Variants in CDH4 observed in about 807,000 individuals in gnomAD.
CDH4 encodes cadherin-4.
In CDH4, 33 loss-of-function variants were observed where a neutral mutation model predicts 86.0. The observed-to-expected ratio is 0.38, with a 90% CI of 0.29 to 0.51. CDH4 has a LOEUF of 0.51. CDH4 is among the 20% of genes least tolerant of loss of function. CDH4 has a pLI of 0.86. For missense variants in CDH4, 1,114 were observed against 1,307.4 expected (o/e 0.85, Z 2.28); for synonymous variants, 555 against 549.4 (o/e 1.01, Z -0.14).
rs139378626 is a variant in CDH4, at chr20:61,607,596, C to T, written c.170-135967C>T. Among the ~76,000 whole-genome samples, 584 of 152,270 alleles carry T rather than the reference C, an allele frequency of 3.8e-3. 4 individuals carry two copies. The highest frequency in any genetic ancestry group is 0.013 in the African/African-American group (535 of 41,542). On this transcript the variant is annotated intron_variant, in intron 2 of 15. Transcript: ENST00000614565. ...AGCATCTCTTTTTAAGGAGTTTTTC[C>T]GACACCTACGTGGACTCGCAATAGC...
intron 2 of CDH4, among the ~76,000 whole-genome samples, chr20:61,557,047 C>CT (rs1478647569): frequency 7.9e-5 from 12 of 152,200 alleles, no homozygotes; most frequent in Non-Finnish European, 2.9e-5. Context: ...GGAGAGAATG[C>CT]TTTTCAGTTT....
chr20:61,424,061 A>C (rs561846511), intron 2 of CDH4, among the ~76,000 whole-genome samples: 1 of 152,186 alleles, frequency 6.6e-6, no homozygotes, highest in African/African-American at 2.4e-5. Flanking sequence ...ATATATACAT[A>C]CACATCCACA....
chr20:61,521,395 G>T (rs149297609), intron 2 of CDH4, among the ~76,000 whole-genome samples: 79 of 152,306 alleles, frequency 5.2e-4, no homozygotes, highest in African/African-American at 1.8e-3. Context: ...AGTTTGTAGG[G>T]ATCGTAAGAA....
intron 2 of CDH4, among the ~76,000 whole-genome samples, chr20:61,716,347 G>A (rs1162019762): frequency 6.6e-6 from 1 of 151,648 alleles, no homozygotes; most frequent in Non-Finnish European, 1.5e-5. Flanking sequence ...CCTGTAAAGG[G>A]GTGGACGCTC....
intron 2 of CDH4, among the ~76,000 whole-genome samples, chr20:61,477,873 G>T (rs2085547720): frequency 6.6e-6 from 1 of 152,212 alleles, no homozygotes; most frequent in African/African-American, 2.4e-5. Context: ...TTCTCAAGCA[G>T]AACCTTCTCA....
chr20:61,925,156 T>A (rs1396622947), intron 11 of CDH4, among the ~76,000 whole-genome samples: 1 of 152,134 alleles, frequency 6.6e-6, no homozygotes, highest in Non-Finnish European at 1.5e-5. Flanking sequence ...GAGGATGGGC[T>A]GGGCAGAGAC....
At chr20:61,565,243 C>CTCTTGGTGGTGCT (rs2086272831) in intron 2 of CDH4, among the ~76,000 whole-genome samples, 1 of 35,546 alleles carries the variant, frequency 2.8e-5, no homozygotes, top group African/African-American at 1.3e-4. Context: ...GTGGTGGTGG[C>CTCTTGGTGGTGCT]GGTGCTCTTG....
intron 7 of CDH4, among the ~76,000 whole-genome samples, chr20:61,878,308 C>A (rs539900553): frequency 1.7e-3 from 262 of 152,300 alleles, no homozygotes; most frequent in African/African-American, 6.0e-3. Flanking sequence ...ATGCAGCCCC[C>A]GGCTGGAAGG....
At chr20:61,917,115 G>A (rs181689259) in intron 9 of CDH4, among the ~76,000 whole-genome samples, 7 of 152,224 alleles carry the variant, frequency 4.6e-5, no homozygotes, top group East Asian at 1.9e-4. Context: ...CAGGCATCTC[G>A]GGCACGTCAT....
intron 2 of CDH4, among the ~76,000 whole-genome samples, chr20:61,323,508 T>A (rs2084520219): frequency 6.6e-6 from 1 of 152,182 alleles, no homozygotes; most frequent in South Asian, 2.1e-4. Context: ...TGCCTATAAT[T>A]CTTTGGCCAC....
chr20:61,876,010 C>T (rs565807974), intron 7 of CDH4, among the ~76,000 whole-genome samples: 81 of 152,360 alleles, frequency 5.3e-4, no homozygotes, highest in African/African-American at 1.8e-3. Context: ...GTTTGCACAG[C>T]TTTTGGCAGA....
intron 9 of CDH4, 106 bp downstream of exon 9, chr20:61,910,713 C>T (rs1013940827): frequency 2.8e-5 from 30 of 1,067,012 alleles, no homozygotes; most frequent in Non-Finnish European, 3.4e-5. Context: ...TTACTGCCCC[C>T]CTAATATCCA....
intron 2 of CDH4, among the ~76,000 whole-genome samples, chr20:61,624,619 T>C (rs2086811489): frequency 6.6e-6 from 1 of 152,204 alleles, no homozygotes; most frequent in African/African-American, 2.4e-5. Flanking sequence ...GATCCTCAGC[T>C]TGATGACAGG....
chr20:61,889,583 GA>G (rs1454566614), intron 7 of CDH4, among the ~76,000 whole-genome samples: 2 of 115,252 alleles, frequency 1.7e-5, no homozygotes, highest in Non-Finnish European at 3.9e-5. Context: ...GATGATGAAT[GA>G]GTTAGTGGAT....
intron 4 of CDH4, among the ~76,000 whole-genome samples, chr20:61,826,785 C>T (rs1196900511): frequency 6.6e-6 from 1 of 152,220 alleles, no homozygotes; most frequent in African/African-American, 2.4e-5. Flanking sequence ...CCACCTTGCT[C>T]ACCTGGTGGC....
chr20:61,350,788 C>T (rs914224539), intron 2 of CDH4, among the ~76,000 whole-genome samples: 1 of 152,194 alleles, frequency 6.6e-6, no homozygotes. Context: ...AATTGCCACT[C>T]TTATGGGAAA....
intron 2 of CDH4, among the ~76,000 whole-genome samples, chr20:61,476,498 A>C (rs2085536673): frequency 6.6e-6 from 1 of 152,214 alleles, no homozygotes; most frequent in African/African-American, 2.4e-5. Context: ...TCCTCACAAC[A>C]GTGCTATGGG....
chr20:61,629,108 C>G (rs941170433), intron 2 of CDH4, among the ~76,000 whole-genome samples: 1 of 152,368 alleles, frequency 6.6e-6, no homozygotes, highest in Non-Finnish European at 1.5e-5. Flanking sequence ...CTGCAGTCCC[C>G]AGAGCAGCTG....
intron 3 of CDH4, among the ~76,000 whole-genome samples, chr20:61,756,757 C>G (rs1461900856): frequency 1.3e-5 from 2 of 152,108 alleles, no homozygotes; most frequent in Non-Finnish European, 2.9e-5. Context: ...AACCTGGACA[C>G]CTGAGCATTT....
Sources: gnomAD v4.1 joint callset for allele counts (sites outside exome capture counted in the v4.1 genomes callset) on GRCh38, gnomAD v4.1.1 for gene constraint, MANE v1.5 for transcripts, NCBI Gene and HGNC (gene_info 2026-07-23, HGNC 2026-07-21) for gene names.